PRR33: variants seen among roughly 807,000 people sequenced by gnomAD.
PRR33 encodes the protein proline rich 33.
A neutral mutation model predicts 0.5 loss-of-function variants in PRR33; 1 was observed. That is an observed-to-expected ratio of 2.18 (90% confidence interval 0.77 to 10.34). The LOEUF (loss-of-function observed/expected upper bound fraction) is 10.34, where lower values mean the gene tolerates loss of function less well. PRR33 is among the 30% of genes most tolerant of loss of function. The pLI is 0.13. For synonymous variants in PRR33, 226 were observed against 110.0 expected, an observed-to-expected ratio of 2.06 and a Z score of -6.60; for missense variants, 552 against 251.8, an observed-to-expected ratio of 2.19 and a Z score of -8.07.
chr11:1,898,285 A>T, the PRR33 span, among the ~76,000 whole-genome samples: 1 of 150,888 alleles, frequency 6.6e-6, no homozygotes, highest in African/African-American at 2.4e-5. Context: ...GCTGGAGTGC[A>T]GCGGCGCCAG....
upstream of PRR33, among the ~76,000 whole-genome samples, chr11:1,896,871 T>G (rs1849130552): frequency 6.6e-6 from 1 of 152,248 alleles, no homozygotes; most frequent in Non-Finnish European, 1.5e-5. Context: ...TTCAAATGCT[T>G]TTTCTGTACT....
chr11:1,889,029 A>C (rs1848871203), exon 1 of PRR33: 1 of 573,598 alleles, frequency 1.7e-6, no homozygotes, highest in South Asian at 2.1e-5. Flanking sequence ...CCTGCACCCC[A>C]TGCCCCTTGG....
the PRR33 span, among the ~76,000 whole-genome samples, chr11:1,913,234 C>T: frequency 3.3e-5 from 5 of 152,020 alleles, no homozygotes; most frequent in Non-Finnish European, 5.9e-5. Flanking sequence ...TCGCGCCATT[C>T]TCCTGCCTCA....
At chr11:1,912,970 C>T in the PRR33 span, among the ~76,000 whole-genome samples, 2 of 152,190 alleles carry the variant, frequency 1.3e-5, no homozygotes, top group African/African-American at 2.4e-5. Context: ...TTCTATTAAC[C>T]TCCTATGTTT....
the PRR33 span, among the ~76,000 whole-genome samples, chr11:1,915,338 G>A: frequency 3.5e-4 from 53 of 150,076 alleles, 1 homozygote; most frequent in South Asian, 7.0e-3. Context: ...TGATGTTTCT[G>A]TATGTGTGTG....
the PRR33 span, among the ~76,000 whole-genome samples, chr11:1,910,273 G>C: frequency 6.6e-6 from 1 of 151,930 alleles, no homozygotes; most frequent in Admixed American, 6.6e-5. Context: ...TTTTTGAGAC[G>C]GAGTCTCGCT....
the PRR33 span, among the ~76,000 whole-genome samples, chr11:1,911,483 T>A: frequency 6.6e-6 from 1 of 151,720 alleles, no homozygotes; most frequent in Non-Finnish European, 1.5e-5. Context: ...AGTGGCACGA[T>A]CTCAGCTCAC....
chr11:1,907,387 G>T, the PRR33 span, among the ~76,000 whole-genome samples: 2 of 152,176 alleles, frequency 1.3e-5, no homozygotes, highest in Admixed American at 1.3e-4. Context: ...CATGAAAGCA[G>T]ATAAGTGTGC....
At chr11:1,907,162 G>C in the PRR33 span, among the ~76,000 whole-genome samples, 1 of 152,158 alleles carries the variant, frequency 6.6e-6, no homozygotes, top group African/African-American at 2.4e-5. Context: ...TGTGTATTTT[G>C]TCTGTTCTGT....
chr11:1,905,548 CG>C, the PRR33 span, among the ~76,000 whole-genome samples: 11 of 150,920 alleles, frequency 7.3e-5, no homozygotes, highest in African/African-American at 2.7e-4. Context: ...AAACGATCCT[CG>C]TGCCTCAGCC....
At chr11:1,907,443 G>C in the PRR33 span, among the ~76,000 whole-genome samples, 229 of 152,286 alleles carry the variant, frequency 1.5e-3, 1 homozygote, top group Middle Eastern at 3.4e-3. Context: ...ATGGAGTCTC[G>C]CTCTGTTGTC....
chr11:1,912,507 T>A, the PRR33 span, among the ~76,000 whole-genome samples: 1 of 152,368 alleles, frequency 6.6e-6, no homozygotes, highest in South Asian at 2.1e-4. Flanking sequence ...ACGTTCCTCT[T>A]TTCGTCGACA....
chr11:1,897,408 A>T, the PRR33 span, among the ~76,000 whole-genome samples: 2 of 152,196 alleles, frequency 1.3e-5, no homozygotes, highest in African/African-American at 4.8e-5. This position sits in a 1 kb window ranked among gnomAD's most constrained non-coding sequence, Gnocchi z 4.0. Context: ...TTTGTAAGGG[A>T]TAGAGAGGAA....
At chr11:1,898,088 G>A in the PRR33 span, among the ~76,000 whole-genome samples, 1 of 152,102 alleles carries the variant, frequency 6.6e-6, no homozygotes, top group Non-Finnish European at 1.5e-5. Flanking sequence ...AAGAAGCATC[G>A]GCAACGGCAC....
At chr11:1,903,735 T>G in the PRR33 span, among the ~76,000 whole-genome samples, 2 of 152,120 alleles carry the variant, frequency 1.3e-5, no homozygotes, top group Non-Finnish European at 2.9e-5. Flanking sequence ...AGGATCCCAT[T>G]TTACATTAAA....
chr11:1,895,547 T>C (rs1350308521), upstream of PRR33, among the ~76,000 whole-genome samples: 1 of 152,204 alleles, frequency 6.6e-6, no homozygotes, highest in African/African-American at 2.4e-5. Flanking sequence ...TTAAACATTT[T>C]TGATGAATTT....
At chr11:1,908,014 G>C in the PRR33 span, 1 of 152,182 alleles carries the variant, frequency 6.6e-6, no homozygotes, top group African/African-American at 2.4e-5. Flanking sequence ...AGAGTTGACT[G>C]CACTGCCTCG....
chr11:1,904,663 A>G, the PRR33 span, among the ~76,000 whole-genome samples: 1 of 151,420 alleles, frequency 6.6e-6, no homozygotes. Flanking sequence ...GCGTGCCACC[A>G]CACCCAGCTA....
At chr11:1,897,514 C>T in the PRR33 span, among the ~76,000 whole-genome samples, 3 of 152,300 alleles carry the variant, frequency 2.0e-5, no homozygotes, top group South Asian at 6.2e-4. The surrounding 1 kb of genome is among the most constrained non-coding windows in gnomAD (Gnocchi z 4.0). Flanking sequence ...GATGGTGTTG[C>T]GTTTAGCTTG....
Sources: allele counts gnomAD v4.1 joint callset (sites outside exome capture counted in the v4.1 genomes callset), GRCh38; gene constraint gnomAD v4.1.1; non-coding constraint Gnocchi (gnomAD v3.1); transcripts MANE v1.5; gene names NCBI Gene and HGNC (gene_info 2026-07-23, HGNC 2026-07-21).